The following MLKL variants were observed in gnomAD, a reference collection of about 807,000 sequenced individuals.
MLKL encodes mixed lineage kinase domain-like protein.
In MLKL, 55 loss-of-function variants were observed where a neutral mutation model predicts 56.5. The ratio of observed to expected loss-of-function variants is 0.97; its 90% confidence interval spans 0.78 to 1.22. MLKL has a LOEUF of 1.22. Among genes scored for constraint, MLKL ranks in the 50% most tolerant of loss-of-function variants. The pLI, the probability that MLKL is intolerant of heterozygous loss-of-function variation, is 0.00. For synonymous variants in MLKL, 251 were observed against 208.3 expected, an observed-to-expected ratio of 1.20 and a Z score of -1.76; for missense variants, 694 against 573.9, an observed-to-expected ratio of 1.21 and a Z score of -2.14.
At position 74,695,502 on chromosome 16, in the gene MLKL, A is replaced by T; in HGVS notation, c.256T>A (p.Cys86Ser). Reference protein sequence around the residue: ...IEKFSNRSNICRFLTASQDKI... With the variant: ...IEKFSNRSNISRFLTASQDKI... ...TCCTGGCTTGCTGTTAGAAACCTGC[A>T]GATATTGGATCTATTGCTGAACTTT... Residue 86 changes from cysteine (C) to serine (S), a missense_variant, in exon 2 of 11, where the codon TGC becomes AGC. Coordinates refer to ENST00000308807, the MANE Select transcript of MLKL (RefSeq NM_152649.4). 6.2e-7 allele frequency: 1 copy of T among 1,614,176 alleles called. No homozygotes were observed. Among genetic ancestry groups the T allele is most frequent in the Non-Finnish European group, 8.5e-7 (1 of 1,180,048 alleles).
chr16:74,688,290 T>C (rs926266382), intron 4 of MLKL, among the ~76,000 whole-genome samples: 4 of 152,158 alleles, frequency 2.6e-5, no homozygotes, highest in African/African-American at 9.7e-5. Flanking sequence ...TTTAAACAAA[T>C]GGCTCTGGGA....
chr16:74,676,560 G>A (rs1451415480), intron 7 of MLKL: 1 of 772,158 alleles, frequency 1.3e-6, no homozygotes, highest in African/African-American at 1.9e-5. Context: ...GGATACCAGG[G>A]ATGAAAGGTG....
At chr16:74,688,532 G>A (rs1291683517) in intron 4 of MLKL, among the ~76,000 whole-genome samples, 1 of 151,976 alleles carries the variant, frequency 6.6e-6, no homozygotes, top group East Asian at 1.9e-4. Context: ...TGGCCAACAT[G>A]GTGAAACCCT....
intron 1 of MLKL, among the ~76,000 whole-genome samples, chr16:74,696,722 C>T (rs2144566380): frequency 6.6e-6 from 1 of 151,514 alleles, no homozygotes; most frequent in South Asian, 2.1e-4. Context: ...CTTTGGAAGG[C>T]TGAGGTGGGC....
At chr16:74,685,460 T>C in intron 5 of MLKL, 26 bp downstream of exon 5, 2 of 1,582,042 alleles carry the variant, frequency 1.3e-6, no homozygotes, top group South Asian at 2.2e-5. Context: ...ATCCAAAGCT[T>C]GACCAATCCT....
chr16:74,690,405 G>C (rs1960593444), intron 4 of MLKL, among the ~76,000 whole-genome samples: 1 of 152,056 alleles, frequency 6.6e-6, no homozygotes, highest in Non-Finnish European at 1.5e-5. Context: ...TATCCTGAAG[G>C]ATTCTTATAC....
At chr16:74,678,609 C>G (rs932904085) in intron 7 of MLKL, among the ~76,000 whole-genome samples, 1 of 152,072 alleles carries the variant, frequency 6.6e-6, no homozygotes, top group African/African-American at 2.4e-5. Flanking sequence ...ATGGTGAAAC[C>G]CTGTCTCTAC....
intron 6 of MLKL, among the ~76,000 whole-genome samples, chr16:74,679,208 T>G (rs563204051): frequency 6.6e-6 from 1 of 152,292 alleles, no homozygotes; most frequent in South Asian, 2.1e-4. Context: ...ATGAAGTGCA[T>G]GCAATCGGGC....
chr16:74,692,100 G>C (rs1960714088), intron 3 of MLKL, among the ~76,000 whole-genome samples: 1 of 152,164 alleles, frequency 6.6e-6, no homozygotes, highest in African/African-American at 2.4e-5. Flanking sequence ...ATTCATAGAG[G>C]TTTTTAAGTA....
At chr16:74,685,148 G>A (rs1960247737) in intron 5 of MLKL, among the ~76,000 whole-genome samples, 1 of 152,172 alleles carries the variant, frequency 6.6e-6, no homozygotes, top group Admixed American at 6.5e-5. Context: ...ACAGGTGTGA[G>A]CCACTGCACC....
rs529204081 is a variant in MLKL at position 74,671,872 on chromosome 16, G to A, written c.*632C>T. On this transcript the variant is annotated 3_prime_UTR_variant, in exon 11 of 11. Transcript: ENST00000308807. The stretch of plus-strand genomic sequence containing the variant: ...CACAAAACTTAGTGTTAAGACAACA[G>A]TAATTTATTTAGCTCCTGATTGTGT... 1 of 152,396 alleles carries A rather than the reference G, an allele frequency of 6.6e-6. No homozygotes were observed. Among genetic ancestry groups the A allele is most frequent in the African/African-American group, 2.4e-5 (1 of 41,592 alleles). The allele number at this position is 152,396 out of a possible 1,614,324, so 9.4% of individuals were successfully genotyped here.
intron 6 of MLKL, among the ~76,000 whole-genome samples, chr16:74,680,545 C>T (rs967283046): frequency 4.5e-4 from 69 of 151,822 alleles, no homozygotes; most frequent in African/African-American, 1.6e-3. Context: ...CTCGCTCTGT[C>T]GCCCAGGCTG....
At chr16:74,697,810 C>T (rs1422524157) in intron 1 of MLKL, among the ~76,000 whole-genome samples, 3 of 151,820 alleles carry the variant, frequency 2.0e-5, no homozygotes, top group Non-Finnish European at 4.4e-5. Context: ...CAGAGAGACC[C>T]TGTCTCGAAA....
chr16:74,679,289 G>C lies in MLKL; in HGVS notation c.957-309C>G, dbSNP rs75339001. ...TGCTTTGCCTGGGAAGTGCTGGGCAGATCCGAGAGCTCAGAGGCATGGCTG... is the reference window on the plus strand; with the variant it reads ...TGCTTTGCCTGGGAAGTGCTGGGCACATCCGAGAGCTCAGAGGCATGGCTG... On this transcript the variant is annotated intron_variant, in intron 6 of 10. Coordinates refer to ENST00000308807, the MANE Select transcript of MLKL (RefSeq NM_152649.4). 6.6e-3 allele frequency among the ~76,000 whole-genome samples: 1,011 copies of C among 152,320 alleles called. 4 individuals carry two copies. Among genetic ancestry groups the C allele is most frequent in the Middle Eastern group, 0.014 (4 of 294 alleles).
At chr16:74,673,513 C>T (rs752690747) in intron 10 of MLKL, among the ~76,000 whole-genome samples, 4 of 152,038 alleles carry the variant, frequency 2.6e-5, no homozygotes, top group Non-Finnish European at 5.9e-5. Flanking sequence ...CCACTGCACC[C>T]GGCCCCTTCT....
intron 4 of MLKL, 23 bp from the exon 5 acceptor site, chr16:74,685,606 T>C (rs1397036636): frequency 6.3e-7 from 1 of 1,585,490 alleles, no homozygotes; most frequent in South Asian, 1.1e-5. Flanking sequence ...AAGAGAGAAA[T>C]CAGGATTTCA....
chr16:74,695,845 G>T, intron 1 of MLKL, 86 bp from the exon 2 acceptor site: 1 of 1,221,642 alleles, frequency 8.2e-7, no homozygotes, highest in Non-Finnish European at 1.1e-6. Context: ...AGCGGTCTGT[G>T]ACTTAAATGC....
intron 7 of MLKL, chr16:74,676,131 G>T (rs925140981): frequency 2.3e-6 from 1 of 433,550 alleles, no homozygotes; most frequent in Middle Eastern, 1.1e-3. Context: ...CTCAGTGAGA[G>T]TGGAGAGGGG....
chr16:74,672,424 G>T lies in MLKL; in HGVS notation c.*80C>A. 7.4e-7 allele frequency: 1 copy of T among 1,345,954 alleles called. No individual in the cohort carries two copies. The highest frequency in any genetic ancestry group is 1.2e-5 in the South Asian group (1 of 84,356). The allele number at this position is 1,345,954 out of a possible 1,614,324, so 83.4% of individuals were successfully genotyped here. ...CACCCATAGATAACCCAATGCCGAA[G>T]GATATGAGAGAGAGAGATGTCCAGT... is the stretch of plus-strand genomic sequence containing the variant. On this transcript the variant is annotated 3_prime_UTR_variant, in exon 11 of 11. Transcript: ENST00000308807.
Sources: allele counts gnomAD v4.1 joint callset (sites outside exome capture counted in the v4.1 genomes callset), GRCh38; gene constraint gnomAD v4.1.1; transcripts MANE v1.5; gene names NCBI Gene and HGNC (gene_info 2026-07-23, HGNC 2026-07-21).